The following COL26A1 variants were observed in gnomAD, a reference collection of about 807,000 sequenced individuals.
The protein encoded by COL26A1 is collagen type XXVI alpha 1 chain.
Under a neutral mutation model 59.3 loss-of-function variants are expected in COL26A1, and 41 were observed. The observed-to-expected ratio is 0.69, with a 90% CI of 0.54 to 0.90. The LOEUF is 0.90. Ranked by LOEUF, COL26A1 falls within the 40% of genes least tolerant of loss-of-function variation. The pLI, the probability that COL26A1 is intolerant of heterozygous loss-of-function variation, is 0.00. For synonymous variants in COL26A1, 266 were observed against 256.0 expected, an observed-to-expected ratio of 1.04 and a Z score of -0.37; for missense variants, 612 against 602.3, an observed-to-expected ratio of 1.02 and a Z score of -0.17.
chr7:101,510,901 T>TCTTTC (rs1554425440), intron 3 of COL26A1, among the ~76,000 whole-genome samples: 2 of 111,900 alleles, frequency 1.8e-5, no homozygotes, highest in Admixed American at 1.6e-4. Context: ...TTTCTTTCTT[T>TCTTTC]TTTTTTTTTT....
At chr7:101,509,171 A>G (rs1396736376) in intron 3 of COL26A1, among the ~76,000 whole-genome samples, 1 of 152,124 alleles carries the variant, frequency 6.6e-6, no homozygotes, top group African/African-American at 2.4e-5. Flanking sequence ...GAGGCTGGGC[A>G]TGGTGGTTCG....
chr7:101,448,683 G>A (rs1345065003), intron 3 of COL26A1, among the ~76,000 whole-genome samples: 2 of 152,068 alleles, frequency 1.3e-5, no homozygotes, highest in Admixed American at 6.5e-5. Context: ...TTTTAGAGAC[G>A]GGTCTTGCAT....
chr7:101,470,559 C>T (rs185063158), intron 3 of COL26A1, among the ~76,000 whole-genome samples: 24 of 151,518 alleles, frequency 1.6e-4, no homozygotes, highest in Non-Finnish European at 3.0e-4. Flanking sequence ...AGGACTGTAT[C>T]GCCGTTGCTC....
rs1177502295 is a variant in COL26A1 at position 101,489,601 on chromosome 7, T to TTTTCTTTCTTTC, written c.385+41865_385+41876dup. 8.8e-3 allele frequency among the ~76,000 whole-genome samples: 926 copies of TTTTCTTTCTTTC among 105,228 alleles called. 150 individuals carry two copies. The highest frequency in any genetic ancestry group is 0.022 in the Middle Eastern group (4 of 184). The allele number at this position is 105,228 out of a possible 152,430, so 69.0% of individuals were successfully genotyped here. A position where few individuals can be genotyped will look rare whatever the true frequency, so the allele number is the denominator to read the frequency against. On this transcript the variant is annotated intron_variant, in intron 3 of 12. Coordinates refer to ENST00000313669, the MANE Select transcript of COL26A1 (RefSeq NM_001278563.3). ...CACCACACTCGGCTATTTTCTTTCT[T>TTTTCTTTCTTTC]TTTCTTTCTTTCTTTCTTTCTTTCT...
intron 4 of COL26A1, among the ~76,000 whole-genome samples, chr7:101,533,344 G>A (rs956223042): frequency 6.6e-5 from 10 of 152,062 alleles, no homozygotes; most frequent in East Asian, 1.9e-4. Flanking sequence ...GGGAGGTCCC[G>A]GGCAGCAGGC....
chr7:101,537,643 G>A (rs1417840993), intron 4 of COL26A1, among the ~76,000 whole-genome samples: 4 of 152,170 alleles, frequency 2.6e-5, no homozygotes, highest in East Asian at 1.9e-4. Context: ...AGTGGGAGGT[G>A]CCCCATGAAG....
chr7:101,521,276 C>T (rs755963113), intron 3 of COL26A1, among the ~76,000 whole-genome samples: 1 of 152,160 alleles, frequency 6.6e-6, no homozygotes, highest in Non-Finnish European at 1.5e-5. Context: ...GATTACAATT[C>T]GAGATGAGAT....
intron 1 of COL26A1, among the ~76,000 whole-genome samples, chr7:101,384,007 A>C (rs1395823089): frequency 7.0e-6 from 1 of 143,700 alleles, no homozygotes; most frequent in Non-Finnish European, 1.5e-5. Context: ...ATTTTTTGCA[A>C]GTTTGTTTAT....
intron 3 of COL26A1, among the ~76,000 whole-genome samples, chr7:101,520,785 GT>G (rs1184549535): frequency 2.0e-5 from 3 of 152,086 alleles, no homozygotes; most frequent in African/African-American, 4.8e-5. Context: ...GCCCCTTTAT[GT>G]TTTTTCTGGA....
At chr7:101,400,013 G>A (rs563737240) in intron 1 of COL26A1, among the ~76,000 whole-genome samples, 1 of 152,292 alleles carries the variant, frequency 6.6e-6, no homozygotes, top group East Asian at 1.9e-4. Flanking sequence ...TCCGGGGGTG[G>A]TACAGTGGCT....
intron 3 of COL26A1, among the ~76,000 whole-genome samples, chr7:101,526,114 T>C (rs1461420325): frequency 6.6e-6 from 1 of 151,996 alleles, no homozygotes; most frequent in Admixed American, 6.6e-5. Context: ...AATGGCGTGA[T>C]CTCGGCTCAC....
At chr7:101,546,579 G>A (rs1347520176) in intron 7 of COL26A1, among the ~76,000 whole-genome samples, 1 of 152,108 alleles carries the variant, frequency 6.6e-6, no homozygotes, top group Non-Finnish European at 1.5e-5. Context: ...CCCAGCCTGG[G>A]GAAGGGTTTT....
At chr7:101,539,539 G>C (rs576329489) in intron 4 of COL26A1, among the ~76,000 whole-genome samples, 1 of 152,094 alleles carries the variant, frequency 6.6e-6, no homozygotes, top group Non-Finnish European at 1.5e-5. Flanking sequence ...TGTTGCCCAG[G>C]CTGGTCTCAA....
At chr7:101,536,019 G>A (rs1374783525) in intron 4 of COL26A1, among the ~76,000 whole-genome samples, 1 of 152,164 alleles carries the variant, frequency 6.6e-6, no homozygotes, top group Admixed American at 6.5e-5. Flanking sequence ...ATGTTGAGAG[G>A]GCCTCTAGGA....
At chr7:101,456,559 G>A (rs923126246) in intron 3 of COL26A1, among the ~76,000 whole-genome samples, 3 of 152,042 alleles carry the variant, frequency 2.0e-5, no homozygotes, top group South Asian at 4.1e-4. Context: ...AGCTACTCGG[G>A]AGGCTGAGGC....
At chr7:101,484,585 G>C (rs968305096) in intron 3 of COL26A1, among the ~76,000 whole-genome samples, 1 of 151,774 alleles carries the variant, frequency 6.6e-6, no homozygotes, top group Admixed American at 6.6e-5. Context: ...TGGTCAGGCT[G>C]GTCTCGAACT....
At chr7:101,365,269 GA>G (rs142778643) in intron 1 of COL26A1, among the ~76,000 whole-genome samples, 1,866 of 151,834 alleles carry the variant, frequency 0.012, 25 homozygotes, top group African/African-American at 0.042. Context: ...TTTCATTTAT[GA>G]AAAGGAAAAT....
At chr7:101,434,075 TCCC>T (rs1562976911) in intron 2 of COL26A1, among the ~76,000 whole-genome samples, 4 of 95,262 alleles carry the variant, frequency 4.2e-5, no homozygotes, top group Middle Eastern at 7.1e-3. Context: ...CCTCCCTCCC[TCCC>T]TCCCTCCCTC....
At chr7:101,535,550 A>G (rs961567351) in intron 4 of COL26A1, among the ~76,000 whole-genome samples, 1 of 151,830 alleles carries the variant, frequency 6.6e-6, no homozygotes, top group South Asian at 2.1e-4. Flanking sequence ...CACCCTCTCC[A>G]CCAAGGGCCC....
Sources: allele counts gnomAD v4.1 joint callset (sites outside exome capture counted in the v4.1 genomes callset), GRCh38; gene constraint gnomAD v4.1.1; transcripts MANE v1.5; gene names NCBI Gene and HGNC (gene_info 2026-07-23, HGNC 2026-07-21).